The following ZWILCH variants were observed in gnomAD, a reference collection of about 807,000 sequenced individuals.
ZWILCH encodes zwilch kinetochore protein, also known as protein zwilch homolog.
ZWILCH carries 74 observed loss-of-function variants against 79.9 expected under a neutral mutation model. That is an observed-to-expected ratio of 0.93 (90% CI 0.77 to 1.12). ZWILCH has a LOEUF of 1.12. Ranked by LOEUF, ZWILCH falls within the 50% of genes most tolerant of loss-of-function variation. The pLI is 0.00. For missense variants in ZWILCH, 694 were observed against 687.5 expected (o/e 1.01, Z -0.11); for synonymous variants, 241 against 228.2 (o/e 1.06, Z -0.51).
intron 2 of ZWILCH, among the ~76,000 whole-genome samples, chr15:66,509,857 ATATATATATATATC>A (rs1311013233): frequency 9.6e-4 from 99 of 103,240 alleles, no homozygotes; most frequent in Non-Finnish European, 1.9e-3. Context: ...ATATATATAT[ATATATATATATATC>A]TCTTAAAAAT....
chr15:66,505,479 C>T (rs1352757918), intron 1 of ZWILCH, 88 bp downstream of exon 1: 1 of 1,505,606 alleles, frequency 6.6e-7, no homozygotes, highest in Non-Finnish European at 9.2e-7. Flanking sequence ...CCTCTTGCCA[C>T]TCTGGGGATC....
At chr15:66,527,263 T>G (rs748226830) in intron 8 of ZWILCH, 27 bp from the exon 9 acceptor site, 1 of 1,553,968 alleles carries the variant, frequency 6.4e-7, no homozygotes, top group Non-Finnish European at 8.9e-7. Flanking sequence ...TGCTAACAAG[T>G]TTTTGGGGTT....
At chr15:66,518,625 C>T (rs1329934443) in intron 4 of ZWILCH, among the ~76,000 whole-genome samples, 1 of 152,160 alleles carries the variant, frequency 6.6e-6, no homozygotes, top group African/African-American at 2.4e-5. Flanking sequence ...CCAGCCTGAG[C>T]AACACTGCAA....
chr15:66,509,826 T>C (rs1220610515), intron 2 of ZWILCH, among the ~76,000 whole-genome samples: 2 of 2,108 alleles, frequency 9.5e-4, no homozygotes, highest in South Asian at 0.077. Context: ...TGGCTACATA[T>C]ATATATATAT....
chr15:66,548,333 C>T lies in ZWILCH; in HGVS notation c.*27-18C>T. On this transcript the variant is annotated intron_variant, in intron 18 of 18. Coordinates refer to ENST00000307897, the MANE Select transcript of ZWILCH (RefSeq NM_017975.5). ...TTTAATTTCTGCTTATTTTTATTTT[C>T]TAATTCTTAAATCCCAGCACAAGCC... is the stretch of plus-strand genomic sequence containing the variant. 41 of 399,140 alleles carry T rather than the reference C, an allele frequency of 1.0e-4. No individual in the cohort carries two copies. The highest frequency in any genetic ancestry group is 4.3e-4 in the South Asian group (5 of 11,646). The allele number at this position is 399,140 out of a possible 1,614,324, so 24.7% of individuals were successfully genotyped here.
intron 8 of ZWILCH, chr15:66,524,457 A>G (rs911898967): frequency 6.6e-6 from 1 of 152,138 alleles, no homozygotes; most frequent in Non-Finnish European, 1.5e-5. Flanking sequence ...CATCATACCA[A>G]GCTCCTTGCT....
At chr15:66,546,056 G>A (rs1040938972) in intron 17 of ZWILCH, among the ~76,000 whole-genome samples, 5 of 152,164 alleles carry the variant, frequency 3.3e-5, no homozygotes, top group Non-Finnish European at 7.3e-5. Flanking sequence ...GTGGAGTGCT[G>A]CTCACCCAGT....
Position 66,533,022 on chromosome 15 carries a change from AT to A in ZWILCH, c.1341+16del. On this transcript the variant is annotated intron_variant, in intron 14 of 18. Coordinates refer to ENST00000307897, the MANE Select transcript of ZWILCH (RefSeq NM_017975.5). ...CATCTTTGAATCATTTGGTGAGTTT[AT>A]TTTTTTATTCTAAAATTGGTTTTTC... 3 of 1,570,978 alleles carry A rather than the reference AT, an allele frequency of 1.9e-6. No individual in the cohort carries two copies. Among genetic ancestry groups the A allele is most frequent in the Non-Finnish European group, 2.6e-6 (3 of 1,153,776 alleles).
chr15:66,543,696 G>A (rs1046659890), intron 17 of ZWILCH, among the ~76,000 whole-genome samples: 4 of 152,020 alleles, frequency 2.6e-5, no homozygotes, highest in African/African-American at 9.7e-5. Flanking sequence ...GATTGAGGCT[G>A]CAGTGAGCTG....
At chr15:66,519,708 G>C (rs1172807545) in intron 5 of ZWILCH, among the ~76,000 whole-genome samples, 1 of 152,096 alleles carries the variant, frequency 6.6e-6, no homozygotes, top group East Asian at 1.9e-4. Flanking sequence ...TATTGGTCAG[G>C]CTCCTGATCT....
Position 66,521,027 on chromosome 15 carries a change from TCTG to T in ZWILCH, c.592-19_592-17del, listed in dbSNP as rs1894472495. The T allele has an allele frequency of 1.2e-6, 2 of 1,609,452 alleles. No individual in the cohort carries two copies. The highest frequency in any genetic ancestry group is 1.7e-6 in the Non-Finnish European group (2 of 1,177,662). ...GCCATGTGGAAGCACAGCTAAATGA[TCTG>T]CTGGGTACACTCTTTTCAGGTAACA... is the stretch of plus-strand genomic sequence containing the variant. On this transcript the variant is annotated intron_variant, in intron 6 of 18. Coordinates refer to ENST00000307897, the MANE Select transcript of ZWILCH (RefSeq NM_017975.5).
At chr15:66,523,543 A>G in intron 7 of ZWILCH, 134 bp from the exon 8 acceptor site, 1 of 618,492 alleles carries the variant, frequency 1.6e-6, no homozygotes, top group Non-Finnish European at 2.9e-6. Context: ...TGTTGACCTC[A>G]TTTTTCAATT....
At chr15:66,513,056 A>G (rs537971628) in intron 2 of ZWILCH, among the ~76,000 whole-genome samples, 5 of 152,156 alleles carry the variant, frequency 3.3e-5, no homozygotes, top group African/African-American at 4.8e-5. Context: ...CAGCCTCCCA[A>G]TGTGCTGGGA....
At chr15:66,509,869 ATCTCT>A (rs1893987745) in intron 2 of ZWILCH, among the ~76,000 whole-genome samples, 19 of 102,224 alleles carry the variant, frequency 1.9e-4, no homozygotes, top group African/African-American at 6.1e-4. Context: ...ATATATATAT[ATCTCT>A]TAAAAATCAA....
chr15:66,541,346 C>G (rs1329142034), intron 17 of ZWILCH, among the ~76,000 whole-genome samples: 3 of 152,004 alleles, frequency 2.0e-5, no homozygotes, highest in Non-Finnish European at 4.4e-5. Flanking sequence ...TTTTATGCAA[C>G]TGTAATACCC....
chr15:66,525,816 C>T (rs1383790496), intron 8 of ZWILCH, among the ~76,000 whole-genome samples: 1 of 134,958 alleles, frequency 7.4e-6, no homozygotes, highest in African/African-American at 2.9e-5. Flanking sequence ...GCCTGGAGTG[C>T]AGTGGTGTAG....
chr15:66,506,007 C>T (rs1452094615), intron 1 of ZWILCH, among the ~76,000 whole-genome samples: 1 of 152,126 alleles, frequency 6.6e-6, no homozygotes, highest in Non-Finnish European at 1.5e-5. Flanking sequence ...GGGGGATTGT[C>T]AAAACACAGA....
intron 7 of ZWILCH, 54 bp from the exon 8 acceptor site, chr15:66,523,623 G>A (rs1894578841): frequency 1.8e-6 from 2 of 1,128,656 alleles, no homozygotes; most frequent in African/African-American, 1.6e-5. Flanking sequence ...TAACACTTAT[G>A]TAGAGAAGGT....
intron 17 of ZWILCH, among the ~76,000 whole-genome samples, chr15:66,542,780 C>T (rs1895234833): frequency 6.6e-6 from 1 of 151,960 alleles, no homozygotes; most frequent in South Asian, 2.1e-4. Context: ...ATTGCTTGAG[C>T]TCAAGAGTTC....
Sources: gnomAD v4.1 joint callset for allele counts (sites outside exome capture counted in the v4.1 genomes callset) on GRCh38, gnomAD v4.1.1 for gene constraint, MANE v1.5 for transcripts, NCBI Gene and HGNC (gene_info 2026-07-23, HGNC 2026-07-21) for gene names.